PPP1R14C: variants seen among roughly 807,000 people sequenced by gnomAD.
The protein encoded by PPP1R14C is protein phosphatase 1 regulatory subunit 14C.
PPP1R14C carries 16 observed loss-of-function variants against 20.4 expected under a neutral mutation model. The observed-to-expected ratio is 0.78, with a 90% confidence interval of 0.53 to 1.19. The LOEUF (loss-of-function observed/expected upper bound fraction) is 1.19, where lower values mean the gene tolerates loss of function less well. Ranked by LOEUF, PPP1R14C falls within the 50% of genes most tolerant of loss-of-function variation. The pLI, the probability that PPP1R14C is intolerant of heterozygous loss-of-function variation, is 0.00. For synonymous variants in PPP1R14C, 91 were observed against 91.0 expected, an observed-to-expected ratio of 1.00 and a Z score of 0.00; for missense variants, 211 against 220.1, an observed-to-expected ratio of 0.96 and a Z score of 0.26.
At chr6:150,205,425 T>C (rs1562269064) in intron 1 of PPP1R14C, among the ~76,000 whole-genome samples, 1 of 152,194 alleles carries the variant, frequency 6.6e-6, no homozygotes, top group Non-Finnish European at 1.5e-5. Context: ...TGCAAAGTGC[T>C]AAATGGCTCA....
Position 150,193,987 on chromosome 6 carries a change from C to T in PPP1R14C, c.307-20757C>T, listed in dbSNP as rs150804299. Among the ~76,000 whole-genome samples, 214 of 152,110 alleles carry T rather than the reference C, an allele frequency of 1.4e-3. 1 individual carries two copies. Among genetic ancestry groups the T allele is most frequent in the Middle Eastern group, 0.01 (3 of 292 alleles). Reference sequence around the variant, plus strand: ...TGGGAGATCATTGAATCATGGGGGGCGGTTTCCCTGATACTGTTCTTATGG... The same window carrying T: ...TGGGAGATCATTGAATCATGGGGGGTGGTTTCCCTGATACTGTTCTTATGG... On this transcript the variant is annotated intron_variant, in intron 1 of 3. Coordinates refer to ENST00000361131, the MANE Select transcript of PPP1R14C (RefSeq NM_030949.3).
intron 1 of PPP1R14C, among the ~76,000 whole-genome samples, chr6:150,144,203 G>T (rs1777156948): frequency 6.6e-6 from 1 of 152,214 alleles, no homozygotes; most frequent in African/African-American, 2.4e-5. Context: ...AACCTCGACG[G>T]GTGCCTCGGT....
rs1582900457 is a variant in PPP1R14C, at chr6:150,167,973, T to TTCTCTCCTCCCCTCTTTCTCC, written c.306+24475_306+24476insTCTCTCCTCCCCTCTTTCTCC. ...CCCCTTCTCTCCTCCCCTCTTTCTC[T>TTCTCTCCTCCCCTCTTTCTCC]CCTTCTCTCCTCCCCTCTTCCTCTC... On this transcript the variant is annotated intron_variant, in intron 1 of 3. Transcript: ENST00000361131. Among the ~76,000 whole-genome samples, 281 of 28,204 alleles carry TTCTCTCCTCCCCTCTTTCTCC rather than the reference T, an allele frequency of 1.0e-2. 22 individuals are homozygous for TTCTCTCCTCCCCTCTTTCTCC. The highest frequency in any genetic ancestry group is 0.017 in the African/African-American group (91 of 5,410). 18.5% of individuals were successfully genotyped at this position (28,204 alleles called of 152,430 possible). A position where few individuals can be genotyped will look rare whatever the true frequency, so the allele number is the denominator to read the frequency against.
intron 1 of PPP1R14C, among the ~76,000 whole-genome samples, chr6:150,183,829 G>A (rs1399018349): frequency 6.6e-6 from 1 of 152,214 alleles, no homozygotes; most frequent in African/African-American, 2.4e-5. Flanking sequence ...TTCTTAAGAT[G>A]AGCAAGTGAA....
At chr6:150,146,711 G>A (rs1777184059) in intron 1 of PPP1R14C, among the ~76,000 whole-genome samples, 1 of 152,170 alleles carries the variant, frequency 6.6e-6, no homozygotes, top group Non-Finnish European at 1.5e-5. Flanking sequence ...GATCTGGGAG[G>A]AGCTTGTTCA....
At chr6:150,240,503 A>G (rs1813743411) in intron 3 of PPP1R14C, among the ~76,000 whole-genome samples, 1 of 152,198 alleles carries the variant, frequency 6.6e-6, no homozygotes, top group African/African-American at 2.4e-5. Context: ...GTTAGACCCT[A>G]TGTAAATGAA....
intron 3 of PPP1R14C, among the ~76,000 whole-genome samples, chr6:150,219,541 A>G (rs900602803): frequency 2.6e-5 from 4 of 151,828 alleles, no homozygotes; most frequent in South Asian, 2.1e-4. Context: ...GGTTTTGTCT[A>G]ATACCAATTG....
intron 1 of PPP1R14C, among the ~76,000 whole-genome samples, chr6:150,179,420 A>C (rs1393597915): frequency 1.5e-5 from 2 of 137,344 alleles, no homozygotes; most frequent in East Asian, 2.4e-4. Flanking sequence ...GAGAGAGAGA[A>C]AGAAAGGAGG....
At position 150,249,169 on chromosome 6, in the gene PPP1R14C, T is replaced by G; in HGVS notation, c.*349T>G. On this transcript the variant is annotated 3_prime_UTR_variant, in exon 4 of 4. Transcript: ENST00000361131. ...TCAGTACCTTATGATACAGGGAAGA[T>G]AGTTTTCTTACAAGTAGTTTGGTAA... The G allele has an allele frequency of 5.0e-6, 2 of 399,246 alleles. No homozygotes were observed. The highest frequency in any genetic ancestry group is 8.8e-6 in the Non-Finnish European group (2 of 226,788). The allele number at this position is 399,246 out of a possible 1,614,324, so 24.7% of individuals were successfully genotyped here. A position where few individuals can be genotyped will look rare whatever the true frequency, so the allele number is the denominator to read the frequency against.
chr6:150,194,662 T>C (rs1415488941), intron 1 of PPP1R14C: 10 of 985,346 alleles, frequency 1.0e-5, no homozygotes, highest in Non-Finnish European at 1.2e-5. Flanking sequence ...ACCTCGCCTT[T>C]AGCACAAACA....
chr6:150,179,340 A>G (rs1006413562), intron 1 of PPP1R14C, among the ~76,000 whole-genome samples: 2 of 150,370 alleles, frequency 1.3e-5, no homozygotes, highest in Non-Finnish European at 3.0e-5. Context: ...GCGATGAGCT[A>G]TAATTGCACC....
intron 1 of PPP1R14C, among the ~76,000 whole-genome samples, chr6:150,186,806 G>C (rs187954454): frequency 6.6e-6 from 1 of 152,248 alleles, no homozygotes; most frequent in East Asian, 1.9e-4. Flanking sequence ...ATGGATACCA[G>C]CTGGGGGTGG....
chr6:150,242,307 A>G lies in PPP1R14C; in HGVS notation c.424-6439A>G, dbSNP rs547405363. Among the ~76,000 whole-genome samples the G allele has an allele frequency of 1.0e-4, 5 of 47,754 alleles. No individual in the cohort carries two copies. The East Asian group carries it at 2.9e-3, about 28-fold the overall frequency. 31.3% of individuals were successfully genotyped at this position (47,754 alleles called of 152,430 possible). On this transcript the variant is annotated intron_variant, in intron 3 of 3. Transcript: ENST00000361131. ...TGGCAATACCCTGATACTAAAGATA[A>G]AGATATTACAAGAAAAGAAATGTAC...
chr6:150,151,671 A>G (rs1003745551), intron 1 of PPP1R14C, among the ~76,000 whole-genome samples: 2 of 152,134 alleles, frequency 1.3e-5, no homozygotes, highest in African/African-American at 4.8e-5. Flanking sequence ...CCTCCCAACA[A>G]CTTTATGAAG....
intron 1 of PPP1R14C, among the ~76,000 whole-genome samples, chr6:150,163,377 C>G (rs1242427965): frequency 6.6e-6 from 1 of 152,132 alleles, no homozygotes; most frequent in Non-Finnish European, 1.5e-5. Context: ...GGCGACAGAG[C>G]AAGACTCCGT....
rs1365869930 is a variant in PPP1R14C, at chr6:150,201,762, T to C, written c.307-12982T>C. Among the ~76,000 whole-genome samples the C allele has an allele frequency of 2.0e-5, 3 of 152,100 alleles. No homozygotes were observed. Among genetic ancestry groups the C allele is most frequent in the Non-Finnish European group, 1.5e-5 (1 of 68,016 alleles). On this transcript the variant is annotated intron_variant, in intron 1 of 3. Coordinates refer to ENST00000361131, the MANE Select transcript of PPP1R14C (RefSeq NM_030949.3). The surrounding 1 kb of genome is among the most constrained non-coding windows in gnomAD (Gnocchi z 4.2). ...CTCCTGCTATAGCTTATGCAAAAGATGATTTAGCTTTCACTAGGGGGGCAG... is the reference window on the plus strand; with the variant it reads ...CTCCTGCTATAGCTTATGCAAAAGACGATTTAGCTTTCACTAGGGGGGCAG...
intron 3 of PPP1R14C, among the ~76,000 whole-genome samples, chr6:150,218,758 C>T (rs1007019870): frequency 6.6e-6 from 1 of 152,032 alleles, no homozygotes; most frequent in Non-Finnish European, 1.5e-5. Flanking sequence ...AAGCAACTCT[C>T]CCACCTCAGC....
intron 1 of PPP1R14C, among the ~76,000 whole-genome samples, chr6:150,188,560 C>T (rs139824202): frequency 0.011 from 1,632 of 143,090 alleles, 29 homozygotes; most frequent in African/African-American, 0.041. Flanking sequence ...AATCTCGGCT[C>T]ACTGCAAGCT....
chr6:150,158,875 GA>G (rs948090969), intron 1 of PPP1R14C, among the ~76,000 whole-genome samples: 3 of 151,604 alleles, frequency 2.0e-5, no homozygotes, highest in African/African-American at 4.8e-5. Context: ...TATAAATAAG[GA>G]AAAAAAAGCC....
Sources: allele counts gnomAD v4.1 joint callset (sites outside exome capture counted in the v4.1 genomes callset), GRCh38; gene constraint gnomAD v4.1.1; non-coding constraint Gnocchi (gnomAD v3.1); transcripts MANE v1.5; gene names NCBI Gene and HGNC (gene_info 2026-07-23, HGNC 2026-07-21).